The following CPE variants were observed in gnomAD, a reference collection of about 807,000 sequenced individuals.
CPE encodes the protein carbocypeptidase E.
CPE carries 17 observed loss-of-function variants against 53.5 expected under a neutral mutation model. The ratio of observed to expected loss-of-function variants is 0.32; its 90% confidence interval spans 0.22 to 0.48. The LOEUF (loss-of-function observed/expected upper bound fraction) is 0.48. Among genes scored for constraint, CPE ranks in the 20% least tolerant of loss-of-function variants. CPE has a pLI of 0.99. For missense variants in CPE, 524 were observed against 614.7 expected, an observed-to-expected ratio of 0.85 and a Z score of 1.56; for synonymous variants, 226 against 228.8, an observed-to-expected ratio of 0.99 and a Z score of 0.11.
chr4:165,429,116 A>AT (rs1392651703), intron 1 of CPE, among the ~76,000 whole-genome samples: 4 of 152,016 alleles, frequency 2.6e-5, no homozygotes, highest in African/African-American at 4.8e-5. Context: ...TCATCATTTG[A>AT]TTTTTTTCAT....
At chr4:165,406,002 C>T (rs1229380576) in intron 1 of CPE, 54 of 750,424 alleles carry the variant, frequency 7.2e-5, no homozygotes, top group African/African-American at 1.7e-5. Flanking sequence ...TGTGTTACTT[C>T]TTGAGGGGTC....
In CPE at chr4:165,380,599, G is replaced by A. The variant is rs566160431; in HGVS notation, c.307+1071G>A. On this transcript the variant is annotated intron_variant, in intron 1 of 8. Coordinates refer to ENST00000402744, the MANE Select transcript of CPE (RefSeq NM_001873.4). ...TAATTTTTGTTTAATGACAAAGCAA[G>A]CAAGAAAAGTAGGCTAAAAATTCTC... 2.0e-5 allele frequency among the ~76,000 whole-genome samples: 3 copies of A among 152,248 alleles called. No individual in the cohort carries two copies. The East Asian group carries it at 5.8e-4, about 29-fold the overall frequency.
At chr4:165,437,726 A>AGTCTGGG (rs1731533683) in intron 1 of CPE, among the ~76,000 whole-genome samples, 2 of 152,198 alleles carry the variant, frequency 1.3e-5, no homozygotes, top group Non-Finnish European at 2.9e-5. Context: ...ATCTGGGAGC[A>AGTCTGGG]ATCTGGGAGC....
chr4:165,456,739 ATTTTTTTTTTT>A (rs35855408), intron 1 of CPE, among the ~76,000 whole-genome samples: 1 of 101,196 alleles, frequency 9.9e-6, no homozygotes, highest in Non-Finnish European at 1.8e-5. Flanking sequence ...TGCCCAGCTA[ATTTTTTTTTTT>A]TTTTTTTTTG....
chr4:165,444,091 C>A (rs962345001), intron 1 of CPE, among the ~76,000 whole-genome samples: 4 of 152,108 alleles, frequency 2.6e-5, no homozygotes, highest in Admixed American at 6.5e-5. Flanking sequence ...TTTGTTGTAA[C>A]AGCCTGAATG....
At chr4:165,480,760 T>C (rs1440230150) in intron 3 of CPE, among the ~76,000 whole-genome samples, 1 of 152,096 alleles carries the variant, frequency 6.6e-6, no homozygotes, top group Non-Finnish European at 1.5e-5. Flanking sequence ...TAAAATATCA[T>C]TTTAGAAGGG....
At chr4:165,440,462 C>G (rs13137743) in intron 1 of CPE, among the ~76,000 whole-genome samples, 1 of 139,092 alleles carries the variant, frequency 7.2e-6, no homozygotes, top group South Asian at 2.3e-4. Context: ...CCACCCCCCC[C>G]CACACACACA....
At position 165,467,763 on chromosome 4, in the gene CPE, C is replaced by T. The variant is rs1390271010; in HGVS notation, c.580C>T (p.Leu194=). The T allele has an allele frequency of 1.9e-6, 3 of 1,613,422 alleles. No individual in the cohort carries two copies. The highest frequency in any genetic ancestry group is 2.5e-6 in the Non-Finnish European group (3 of 1,179,780). The change falls in exon 3 of 9, where the codon CTG becomes TTG. Residue 194 remains leucine, a synonymous_variant. Coordinates refer to ENST00000402744, the MANE Select transcript of CPE (RefSeq NM_001873.4). ...GIDLNRNFPD[L]DRIVYVNEKE... is the part of the protein sequence containing the mutation. ...AGATCTGAACCGGAACTTTCCAGAC[C>T]TGGATAGGATAGTGTACGTGAATGA...
At chr4:165,484,368 G>A in intron 4 of CPE, 54 bp from the exon 5 acceptor site, 1 of 1,507,834 alleles carries the variant, frequency 6.6e-7, no homozygotes, top group Non-Finnish European at 9.1e-7. Flanking sequence ...TAGAAAACAT[G>A]CTGTGCTGCT....
rs1370337163 is a variant in CPE at position 165,439,907 on chromosome 4, G to A, written c.308-24483G>A. On this transcript the variant is annotated intron_variant, in intron 1 of 8. Coordinates refer to ENST00000402744, the MANE Select transcript of CPE (RefSeq NM_001873.4). ...GCTAAAGCACTCCCCAGATCAGCTC[G>A]TGAGCCCATTAAATGAACAAAATGC... Among the ~76,000 whole-genome samples, 3 of 152,142 alleles carry A rather than the reference G, an allele frequency of 2.0e-5. No homozygotes were observed. The East Asian group carries it at 5.8e-4, about 29-fold the overall frequency.
chr4:165,454,008 G>A (rs2126693874), intron 1 of CPE, among the ~76,000 whole-genome samples: 1 of 151,976 alleles, frequency 6.6e-6, no homozygotes, highest in South Asian at 2.1e-4. Context: ...CATACACAGT[G>A]GTGTGCTGGT....
At chr4:165,408,953 G>T (rs1331083947) in intron 1 of CPE, among the ~76,000 whole-genome samples, 1 of 152,164 alleles carries the variant, frequency 6.6e-6, no homozygotes, top group Non-Finnish European at 1.5e-5. Context: ...GTTTCTGCAG[G>T]ACACATTATG....
intron 1 of CPE, chr4:165,404,841 T>A (rs775473565): frequency 3.9e-6 from 3 of 765,446 alleles, no homozygotes; most frequent in Non-Finnish European, 7.3e-6. Flanking sequence ...AGCAGCTGCA[T>A]CTTGTCTGCG....
At chr4:165,414,547 C>A (rs893463967) in intron 1 of CPE, among the ~76,000 whole-genome samples, 1 of 151,702 alleles carries the variant, frequency 6.6e-6, no homozygotes, top group East Asian at 1.9e-4. Context: ...TATGTGTTAA[C>A]AGCCTTAGCA....
At chr4:165,381,301 G>A (rs1306444841) in intron 1 of CPE, 3 of 456,252 alleles carry the variant, frequency 6.6e-6, no homozygotes, top group East Asian at 6.9e-5. Context: ...GTATGAAGTG[G>A]GGACCCTGAT....
At chr4:165,488,864 G>C (rs758960873) in intron 6 of CPE, among the ~76,000 whole-genome samples, 7 of 151,408 alleles carry the variant, frequency 4.6e-5, no homozygotes, top group Non-Finnish European at 8.8e-5. Context: ...AAAAAAAGAA[G>C]AAGAAGAAGC....
intron 5 of CPE, 68 bp downstream of exon 5, chr4:165,484,672 G>GC: frequency 7.3e-7 from 1 of 1,377,094 alleles, no homozygotes. Context: ...TAGGTTTAGA[G>GC]AGTGATTTAG....
intron 1 of CPE, among the ~76,000 whole-genome samples, chr4:165,414,704 C>T (rs1238478285): frequency 1.3e-5 from 2 of 151,508 alleles, no homozygotes; most frequent in African/African-American, 2.4e-5. Flanking sequence ...TATACACACA[C>T]ACACACATAC....
intron 1 of CPE, among the ~76,000 whole-genome samples, chr4:165,438,560 A>T (rs1002652404): frequency 1.3e-5 from 2 of 152,156 alleles, no homozygotes; most frequent in African/African-American, 2.4e-5. Context: ...GAACAAAGCG[A>T]TCATAACCCT....
Sources: gnomAD v4.1 joint callset for allele counts (sites outside exome capture counted in the v4.1 genomes callset) on GRCh38, gnomAD v4.1.1 for gene constraint, MANE v1.5 for transcripts, NCBI Gene and HGNC (gene_info 2026-07-23, HGNC 2026-07-21) for gene names.